NTM: variants seen among roughly 807,000 people sequenced by gnomAD.
NTM encodes the protein IgLON family member 2.
NTM carries 13 observed loss-of-function variants against 42.1 expected under a neutral mutation model. The observed-to-expected ratio is 0.31, with a 90% CI of 0.20 to 0.49. NTM has a LOEUF of 0.49. Among genes scored for constraint, NTM ranks in the 20% least tolerant of loss-of-function variants. The pLI is 0.99. For synonymous variants in NTM, 187 were observed against 179.2 expected (o/e 1.04, Z -0.35); for missense variants, 373 against 452.8 (o/e 0.82, Z 1.60).
intron 1 of NTM, among the ~76,000 whole-genome samples, chr11:131,715,942 A>G (rs2077650891): frequency 2.6e-5 from 4 of 152,232 alleles, no homozygotes; most frequent in Non-Finnish European, 5.9e-5. Context: ...TAGTTAAAAT[A>G]AAGCTCCTAT....
intron 3 of NTM, among the ~76,000 whole-genome samples, chr11:132,198,133 T>TA (rs2080573167): frequency 6.6e-6 from 1 of 152,198 alleles, no homozygotes; most frequent in Non-Finnish European, 1.5e-5. Context: ...AAAGTATTGT[T>TA]ATTATTTGCA....
At chr11:132,071,306 A>G (rs553616922) in intron 2 of NTM, among the ~76,000 whole-genome samples, 32 of 124,368 alleles carry the variant, frequency 2.6e-4, no homozygotes, top group African/African-American at 1.1e-3. Context: ...CAGCCAAGTT[A>G]ACACGTCACA....
intron 1 of NTM, among the ~76,000 whole-genome samples, chr11:131,559,314 A>C (rs567121912): frequency 6.6e-6 from 1 of 152,378 alleles, no homozygotes; most frequent in Non-Finnish European, 1.5e-5. Flanking sequence ...GTTACACACA[A>C]AAAAACTTAT....
intron 2 of NTM, among the ~76,000 whole-genome samples, chr11:132,046,785 G>C (rs2078065185): frequency 6.6e-6 from 1 of 152,158 alleles, no homozygotes; most frequent in Admixed American, 6.6e-5. Context: ...TCACAGCTGA[G>C]CACTGGCTTT....
At chr11:131,699,684 G>C (rs542288106) in intron 1 of NTM, among the ~76,000 whole-genome samples, 1 of 152,172 alleles carries the variant, frequency 6.6e-6, no homozygotes, top group South Asian at 2.1e-4. Flanking sequence ...AAGCAAACGC[G>C]TCCTCCTTCA....
At chr11:131,750,216 C>T (rs2082311972) in intron 1 of NTM, among the ~76,000 whole-genome samples, 1 of 152,186 alleles carries the variant, frequency 6.6e-6, no homozygotes, top group African/African-American at 2.4e-5. Context: ...TTATTTTATT[C>T]CTGAGATTGG....
At chr11:132,013,488 A>G (rs2135442890) in intron 2 of NTM, among the ~76,000 whole-genome samples, 1 of 152,248 alleles carries the variant, frequency 6.6e-6, no homozygotes, top group Non-Finnish European at 1.5e-5. Context: ...AGAGGTAGCT[A>G]GTGGAGGACT....
chr11:131,522,160 G>A (rs138379881), intron 1 of NTM, among the ~76,000 whole-genome samples: 1 of 151,998 alleles, frequency 6.6e-6, no homozygotes, highest in Non-Finnish European at 1.5e-5. Flanking sequence ...GGTCATCCGG[G>A]ATCTCTTCCC....
chr11:131,518,395 G>C (rs953078454), intron 1 of NTM, among the ~76,000 whole-genome samples: 26 of 152,260 alleles, frequency 1.7e-4, no homozygotes, highest in African/African-American at 5.8e-4. Flanking sequence ...CTGTAGTTCA[G>C]AAGTCCTTTT....
intron 7 of NTM, among the ~76,000 whole-genome samples, chr11:132,322,785 C>T (rs1396126450): frequency 1.4e-5 from 2 of 145,330 alleles, no homozygotes; most frequent in Admixed American, 6.9e-5. Context: ...GGAAGTAAAG[C>T]TCTCCTCAGC....
intron 1 of NTM, among the ~76,000 whole-genome samples, chr11:131,435,255 A>C (rs1949025550): frequency 6.6e-6 from 1 of 152,104 alleles, no homozygotes; most frequent in Admixed American, 6.5e-5. Flanking sequence ...TTTGCTTAGG[A>C]TTGTCTTGGC....
At chr11:132,061,511 T>A (rs910347234) in intron 2 of NTM, among the ~76,000 whole-genome samples, 2 of 152,220 alleles carry the variant, frequency 1.3e-5, no homozygotes, top group African/African-American at 4.8e-5. Flanking sequence ...TTAAATTAAA[T>A]TGAGTTAGAT....
At chr11:131,598,758 C>T (rs868856874) in intron 1 of NTM, among the ~76,000 whole-genome samples, 57 of 33,350 alleles carry the variant, frequency 1.7e-3, no homozygotes, top group African/African-American at 5.0e-3. Flanking sequence ...TTTCTTTCTT[C>T]TTTCTTTTTT....
At chr11:131,887,327 G>T (rs2050569993) in intron 1 of NTM, among the ~76,000 whole-genome samples, 1 of 152,090 alleles carries the variant, frequency 6.6e-6, no homozygotes, top group Non-Finnish European at 1.5e-5. Flanking sequence ...CTGAGTGCCT[G>T]GGAACAAAAA....
At chr11:131,788,713 C>T (rs181697638) in intron 1 of NTM, among the ~76,000 whole-genome samples, 1 of 152,200 alleles carries the variant, frequency 6.6e-6, no homozygotes, top group South Asian at 2.1e-4. Flanking sequence ...TCCCCACTTA[C>T]CTCACAGCAA....
intron 1 of NTM, among the ~76,000 whole-genome samples, chr11:131,899,259 C>A (rs780762578): frequency 7.2e-5 from 11 of 152,106 alleles, no homozygotes; most frequent in Non-Finnish European, 1.0e-4. Context: ...GAGGAAACAG[C>A]CAAGCATGTG....
At chr11:131,560,220 C>T (rs948817676) in intron 1 of NTM, among the ~76,000 whole-genome samples, 3 of 152,172 alleles carry the variant, frequency 2.0e-5, no homozygotes, top group Non-Finnish European at 4.4e-5. Flanking sequence ...TTTTGCTTGG[C>T]TTTATCTTTC....
chr11:131,425,887 C>G (rs1043310356), intron 1 of NTM, among the ~76,000 whole-genome samples: 2 of 152,030 alleles, frequency 1.3e-5, no homozygotes, highest in Non-Finnish European at 2.9e-5. Flanking sequence ...CAACTGTTAT[C>G]TTCCTGGGCA....
At chr11:132,187,996 C>A (rs920820834) in intron 3 of NTM, among the ~76,000 whole-genome samples, 1 of 152,142 alleles carries the variant, frequency 6.6e-6, no homozygotes, top group African/African-American at 2.4e-5. Context: ...AAGAAAGCCT[C>A]CTAAAGATAA....
Sources: allele counts gnomAD v4.1 joint callset (sites outside exome capture counted in the v4.1 genomes callset), GRCh38; gene constraint gnomAD v4.1.1; transcripts MANE v1.5; gene names NCBI Gene and HGNC (gene_info 2026-07-23, HGNC 2026-07-21).